KCNMB4: variants seen among roughly 807,000 people sequenced by gnomAD.
The protein encoded by KCNMB4 is potassium calcium-activated channel subfamily M regulatory beta subunit 4.
KCNMB4 carries 3 observed loss-of-function variants against 20.7 expected under a neutral mutation model. The observed-to-expected ratio is 0.14, with a 90% CI of 0.07 to 0.37. The LOEUF (loss-of-function observed/expected upper bound fraction) is 0.37, where lower values mean the gene tolerates loss of function less well. KCNMB4 is among the 10% of genes least tolerant of loss of function. The pLI, the probability that KCNMB4 is intolerant of heterozygous loss-of-function variation, is 1.00. For missense variants in KCNMB4, 168 were observed against 265.9 expected, an observed-to-expected ratio of 0.63 and a Z score of 2.56; for synonymous variants, 110 against 113.4, an observed-to-expected ratio of 0.97 and a Z score of 0.19.
At chr12:70,387,563 C>T (rs987665529) in intron 1 of KCNMB4, among the ~76,000 whole-genome samples, 6 of 151,926 alleles carry the variant, frequency 3.9e-5, no homozygotes, top group African/African-American at 1.5e-4. Context: ...CCACCATGCC[C>T]AGCCAATTTT....
intron 2 of KCNMB4, chr12:70,422,777 GC>G (rs1869100822): frequency 7.9e-7 from 1 of 1,272,246 alleles, no homozygotes; most frequent in Non-Finnish European, 1.0e-6. Context: ...TCCTTAATAG[GC>G]CCCCGATCTC....
In KCNMB4 at chr12:70,372,309, A is replaced by G. The variant is rs148578878; in HGVS notation, c.336+5239A>G. ...TGACATTAAGCGGGGCTGAAATATC[A>G]TCAGACTTAGACTTTTAAAAAATGC... On this transcript the variant is annotated intron_variant, in intron 1 of 2. Coordinates refer to ENST00000258111, the MANE Select transcript of KCNMB4 (RefSeq NM_014505.6). Among the ~76,000 whole-genome samples, 62 of 152,342 alleles carry G rather than the reference A, an allele frequency of 4.1e-4. 2 individuals carry two copies. The East Asian group carries it at 0.011, about 27-fold the overall frequency.
Position 70,366,923 on chromosome 12 carries a change from C to T in KCNMB4, c.189C>T (p.Gly63=), listed in dbSNP as rs1412853417. The change falls in exon 1 of 3, where the codon GGC becomes GGT. Residue 63 remains glycine (G), a synonymous_variant. Coordinates refer to ENST00000258111, the MANE Select transcript of KCNMB4 (RefSeq NM_014505.6). ...NCTVLSVQQI[G]EVFECTFTCG... The stretch of plus-strand genomic sequence containing the variant: ...CGGTGCTGTCGGTGCAGCAGATCGG[C>T]GAGGTGTTCGAGTGCACCTTCACCT... 13 of 1,612,902 alleles carry T rather than the reference C, an allele frequency of 8.1e-6. No homozygotes were observed. The highest frequency in any genetic ancestry group is 2.7e-5 in the African/African-American group (2 of 74,898).
chr12:70,368,769 GCA>G (rs780236711), intron 1 of KCNMB4, among the ~76,000 whole-genome samples: 10 of 151,998 alleles, frequency 6.6e-5, no homozygotes, highest in Non-Finnish European at 8.8e-5. Context: ...ACATATATAT[GCA>G]CACACACATT....
At chr12:70,425,913 C>T (rs1024204338) in intron 2 of KCNMB4, among the ~76,000 whole-genome samples, 4 of 152,088 alleles carry the variant, frequency 2.6e-5, no homozygotes, top group African/African-American at 7.2e-5. Flanking sequence ...CCGAGGCAGG[C>T]GGATTGCTTA....
intron 2 of KCNMB4, among the ~76,000 whole-genome samples, chr12:70,404,180 T>G (rs1868532565): frequency 6.6e-6 from 1 of 152,168 alleles, no homozygotes; most frequent in Admixed American, 6.5e-5. Flanking sequence ...GTTAGATTTC[T>G]AATGGGTCAT....
At chr12:70,383,302 GA>G (rs953572722) in intron 1 of KCNMB4, among the ~76,000 whole-genome samples, 144 of 152,196 alleles carry the variant, frequency 9.5e-4, no homozygotes, top group African/African-American at 3.4e-3. Context: ...AAGCTAAGGG[GA>G]AAAAAGAAAT....
In KCNMB4 at chr12:70,430,469, C is replaced by T; in HGVS notation, c.465-16C>T. 6.2e-7 allele frequency: 1 copy of T among 1,611,722 alleles called. No individual in the cohort carries two copies. Among genetic ancestry groups the T allele is most frequent in the Non-Finnish European group, 8.5e-7 (1 of 1,179,214 alleles). ...ATTTGACTGCCCTTTCTTTCTTATTCTCCATTGTCTTGCAGACCAGATGAT... is the reference window on the plus strand; with the variant it reads ...ATTTGACTGCCCTTTCTTTCTTATTTTCCATTGTCTTGCAGACCAGATGAT... On this transcript the variant is annotated splice_polypyrimidine_tract_variant and intron_variant, in intron 2 of 2. Coordinates refer to ENST00000258111, the MANE Select transcript of KCNMB4 (RefSeq NM_014505.6).
chr12:70,381,435 C>T (rs11611025), intron 1 of KCNMB4, among the ~76,000 whole-genome samples: 19,896 of 152,204 alleles, frequency 0.13, 1,455 homozygotes, highest in Middle Eastern at 0.23. Flanking sequence ...CATGACTCTT[C>T]ATAGCAGCAT....
chr12:70,391,634 T>C (rs567310530), intron 1 of KCNMB4, among the ~76,000 whole-genome samples: 1 of 152,240 alleles, frequency 6.6e-6, no homozygotes, highest in Admixed American at 6.5e-5. Context: ...GGGTCAGAAA[T>C]TTATAAAGGA....
Position 70,418,612 on chromosome 12 carries a change from G to A in KCNMB4, c.465-11873G>A, listed in dbSNP as rs61929949. 6.3e-3 allele frequency among the ~76,000 whole-genome samples: 964 copies of A among 152,200 alleles called. 5 individuals carry two copies. Among genetic ancestry groups the A allele is most frequent in the Middle Eastern group, 0.014 (4 of 294 alleles). ...CAAAGGCGCGTGCTAACTTTGCTCCGTGATTAATCCTTCCAGAGTTTGTTG... is the reference window on the plus strand; with the variant it reads ...CAAAGGCGCGTGCTAACTTTGCTCCATGATTAATCCTTCCAGAGTTTGTTG... On this transcript the variant is annotated intron_variant, in intron 2 of 2. Coordinates refer to ENST00000258111, the MANE Select transcript of KCNMB4 (RefSeq NM_014505.6).
chr12:70,410,803 A>G (rs1287417236), intron 2 of KCNMB4, among the ~76,000 whole-genome samples: 1 of 151,572 alleles, frequency 6.6e-6, no homozygotes, highest in East Asian at 1.9e-4. Context: ...ACAACAACAC[A>G]AAAAAAAGGA....
intron 1 of KCNMB4, among the ~76,000 whole-genome samples, chr12:70,373,111 C>G (rs747208384): frequency 1.9e-4 from 29 of 152,002 alleles, no homozygotes; most frequent in Non-Finnish European, 3.7e-4. Context: ...GTGTAGAAGA[C>G]CCAGGCAGCC....
chr12:70,417,777 C>A (rs1401378683), intron 2 of KCNMB4, among the ~76,000 whole-genome samples: 1 of 152,146 alleles, frequency 6.6e-6, no homozygotes, highest in Non-Finnish European at 1.5e-5. Flanking sequence ...TCTTTGAAGT[C>A]TTTTCTTATT....
At chr12:70,402,150 T>C (rs896179630) in intron 2 of KCNMB4, among the ~76,000 whole-genome samples, 1 of 152,290 alleles carries the variant, frequency 6.6e-6, no homozygotes, top group East Asian at 1.9e-4. Context: ...TACTTTTATA[T>C]GTATGCCTTT....
At chr12:70,400,370 G>A (rs1394772531) in intron 2 of KCNMB4, 34 bp downstream of exon 2, 3 of 1,585,382 alleles carry the variant, frequency 1.9e-6, no homozygotes, top group Non-Finnish European at 2.6e-6. Context: ...TGTTAAAATT[G>A]TTTGTAGACT....
At chr12:70,372,848 G>A (rs1183286390) in intron 1 of KCNMB4, among the ~76,000 whole-genome samples, 3 of 152,112 alleles carry the variant, frequency 2.0e-5, no homozygotes, top group African/African-American at 4.8e-5. Context: ...GAAAAAGTTA[G>A]GGGGAAAGCT....
chr12:70,387,250 C>T (rs11611402), intron 1 of KCNMB4, among the ~76,000 whole-genome samples: 4 of 151,734 alleles, frequency 2.6e-5, no homozygotes, highest in Non-Finnish European at 4.4e-5. Context: ...CTTGTCTGCA[C>T]GGGATATTGG....
In KCNMB4 at chr12:70,430,473, A is replaced by G. The variant is rs1157638611; in HGVS notation, c.465-12A>G. On this transcript the variant is annotated splice_polypyrimidine_tract_variant and intron_variant, in intron 2 of 2. Coordinates refer to ENST00000258111, the MANE Select transcript of KCNMB4 (RefSeq NM_014505.6). ...GACTGCCCTTTCTTTCTTATTCTCC[A>G]TTGTCTTGCAGACCAGATGATGTGC... 2 of 1,612,420 alleles carry G rather than the reference A, an allele frequency of 1.2e-6. No homozygotes were observed. The highest frequency in any genetic ancestry group is 2.2e-5 in the East Asian group (1 of 44,838).
Sources: allele counts gnomAD v4.1 joint callset (sites outside exome capture counted in the v4.1 genomes callset), GRCh38; gene constraint gnomAD v4.1.1; transcripts MANE v1.5; gene names NCBI Gene and HGNC (gene_info 2026-07-23, HGNC 2026-07-21).